PDE11A: variants seen among roughly 807,000 people sequenced by gnomAD.
PDE11A encodes dual 3',5'-cyclic-AMP and -GMP phosphodiesterase 11A.
In PDE11A, 100 loss-of-function variants were observed where a neutral mutation model predicts 100.5. The ratio of observed to expected loss-of-function variants is 1.00; its 90% confidence interval spans 0.85 to 1.18. The LOEUF (loss-of-function observed/expected upper bound fraction) is 1.18. Ranked by LOEUF, PDE11A falls within the 50% of genes most tolerant of loss-of-function variation. The probability of loss-of-function intolerance (pLI) is 0.00; values close to 1 mark genes in which losing one functional copy is unlikely to be tolerated. For synonymous variants in PDE11A, 381 were observed against 420.8 expected (o/e 0.91, Z 1.16); for missense variants, 1,141 against 1,152.6 (o/e 0.99, Z 0.15).
intron 2 of PDE11A, among the ~76,000 whole-genome samples, chr2:177,943,539 A>G (rs1029211538): frequency 1.3e-5 from 2 of 152,132 alleles, no homozygotes; most frequent in Non-Finnish European, 2.9e-5. Context: ...TCTTTGGAGA[A>G]ATGTTGTCTA....
Position 178,071,835 on chromosome 2 carries a change from C to T in PDE11A, c.603G>A (p.Glu201=), listed in dbSNP as rs749530656. 3 of 1,614,084 alleles carry T rather than the reference C, an allele frequency of 1.9e-6. No homozygotes were observed. Among genetic ancestry groups the T allele is most frequent in the East Asian group, 2.2e-5 (1 of 44,886 alleles). The change falls in exon 1 of 20, where the codon GAG becomes GAA. Residue 201 remains glutamate (E), a synonymous_variant. Coordinates refer to ENST00000286063, the MANE Select transcript of PDE11A (RefSeq NM_016953.4). ...TGACCAATTCCAGAAAGAACTGACG[C>T]TCATTATGCTTTTTCAGATGGCACT... ...DYKCHLKKHN[E]RQFFLELVKD...
chr2:177,913,185 T>A lies in PDE11A; in HGVS notation c.1072-7998A>T, dbSNP rs149459842. Among the ~76,000 whole-genome samples the A allele has an allele frequency of 5.9e-5, 9 of 152,320 alleles. No homozygotes were observed. The East Asian group carries it at 9.6e-4, about 16-fold the overall frequency. ...GTATGGATTAATGTAGTTTACTTAG[T>A]CAATCATAGAACGTTGGACATTTAG... is the stretch of plus-strand genomic sequence containing the variant. On this transcript the variant is annotated intron_variant, in intron 2 of 19. Transcript: ENST00000286063.
chr2:178,029,759 G>A (rs186182342), intron 1 of PDE11A, among the ~76,000 whole-genome samples: 4 of 152,240 alleles, frequency 2.6e-5, no homozygotes, highest in East Asian at 1.9e-4. Context: ...CTCAAAACTC[G>A]TGTTAAAATT....
upstream of PDE11A, among the ~76,000 whole-genome samples, chr2:178,074,131 C>T (rs573356265): frequency 6.6e-6 from 1 of 152,060 alleles, no homozygotes; most frequent in Admixed American, 6.5e-5. Context: ...CACAAATGAC[C>T]ACATAGTGTA....
At chr2:177,957,326 G>A (rs2085577746) in intron 2 of PDE11A, among the ~76,000 whole-genome samples, 1 of 152,158 alleles carries the variant, frequency 6.6e-6, no homozygotes, top group Non-Finnish European at 1.5e-5. Flanking sequence ...GAACTTCCAT[G>A]GTTAGAACTG....
At chr2:177,948,588 C>G (rs1432194214) in intron 2 of PDE11A, among the ~76,000 whole-genome samples, 1 of 152,052 alleles carries the variant, frequency 6.6e-6, no homozygotes, top group Non-Finnish European at 1.5e-5. Flanking sequence ...GCTTATTTTT[C>G]TACTGATTTA....
chr2:178,063,368 G>T (rs1288318161), intron 1 of PDE11A, among the ~76,000 whole-genome samples: 1 of 152,070 alleles, frequency 6.6e-6, no homozygotes, highest in Non-Finnish European at 1.5e-5. Context: ...TGTTTTAATG[G>T]GGTATGGTAA....
chr2:177,652,434 A>G (rs1266202244), intron 19 of PDE11A, among the ~76,000 whole-genome samples: 1 of 152,162 alleles, frequency 6.6e-6, no homozygotes, highest in African/African-American at 2.4e-5. Flanking sequence ...GCTTATGGCA[A>G]GAGCAGAGGG....
At chr2:178,066,084 T>C (rs2087039386) in intron 1 of PDE11A, among the ~76,000 whole-genome samples, 1 of 152,124 alleles carries the variant, frequency 6.6e-6, no homozygotes, top group African/African-American at 2.4e-5. Context: ...TCTCTTCTCA[T>C]ATCATGAGAA....
intron 3 of PDE11A, among the ~76,000 whole-genome samples, chr2:177,903,395 A>G (rs2084729238): frequency 1.3e-5 from 2 of 152,072 alleles, no homozygotes; most frequent in African/African-American, 4.8e-5. Context: ...ATTGCTACCT[A>G]TACTATGCAA....
At chr2:177,868,630 G>A (rs531670779) in intron 5 of PDE11A, among the ~76,000 whole-genome samples, 6 of 152,112 alleles carry the variant, frequency 3.9e-5, no homozygotes, top group East Asian at 1.9e-4. Flanking sequence ...ATTCAGAGTC[G>A]TCAGTGTTCA....
At chr2:177,684,085 TCTC>T (rs1440316492) in intron 15 of PDE11A, among the ~76,000 whole-genome samples, 3 of 152,190 alleles carry the variant, frequency 2.0e-5, no homozygotes, top group Non-Finnish European at 1.5e-5. Context: ...TGCCCAGTTT[TCTC>T]CTCTCACTAC....
intron 7 of PDE11A, 56 bp downstream of exon 7, chr2:177,820,164 A>AGG (rs2083114494): frequency 1.1e-6 from 1 of 944,116 alleles, no homozygotes; most frequent in Non-Finnish European, 1.7e-6. Context: ...GGAATATTTT[A>AGG]AAGCAAACTT....
chr2:178,072,940 C>G, upstream of PDE11A: 4 of 985,388 alleles, frequency 4.1e-6, no homozygotes, highest in Non-Finnish European at 4.8e-6. Flanking sequence ...TCTGGACGGC[C>G]GGAATCGGCG....
intron 5 of PDE11A, among the ~76,000 whole-genome samples, chr2:177,851,697 A>G (rs1362992446): frequency 1.3e-5 from 2 of 152,150 alleles, no homozygotes; most frequent in Non-Finnish European, 2.9e-5. Flanking sequence ...CCCAAACTAC[A>G]TCCATACAGA....
intron 7 of PDE11A, among the ~76,000 whole-genome samples, chr2:177,818,269 C>CATATATAT (rs138058817): frequency 4.1e-5 from 6 of 147,656 alleles, no homozygotes; most frequent in African/African-American, 7.5e-5. Context: ...TATTCAGCTA[C>CATATATAT]ATATATATAT....
intron 9 of PDE11A, among the ~76,000 whole-genome samples, chr2:177,803,592 A>C (rs2082824677): frequency 6.6e-6 from 1 of 152,104 alleles, no homozygotes; most frequent in African/African-American, 2.4e-5. Flanking sequence ...CACATCAAAA[A>C]GATAATATAC....
At position 177,757,927 on chromosome 2, in the gene PDE11A, T is replaced by C. The variant is rs140121098; in HGVS notation, c.1788+11396A>G. Among the ~76,000 whole-genome samples, 554 of 152,248 alleles carry C rather than the reference T, an allele frequency of 3.6e-3. 12 individuals are homozygous for C. The East Asian group carries it at 0.059, about 16-fold the overall frequency. ...GACTTGTTCACAGCCTAATTCCTTT[T>C]AGTCTCAATGAAATGCTTTAGGCCC... On this transcript the variant is annotated intron_variant, in intron 10 of 19. Coordinates refer to ENST00000286063, the MANE Select transcript of PDE11A (RefSeq NM_016953.4).
chr2:178,044,851 T>C (rs1426649501), intron 1 of PDE11A, among the ~76,000 whole-genome samples: 1 of 152,186 alleles, frequency 6.6e-6, no homozygotes, highest in Non-Finnish European at 1.5e-5. Flanking sequence ...TGTCCCTAGA[T>C]GTTTTTTTGG....
Sources: gnomAD v4.1 joint callset for allele counts (sites outside exome capture counted in the v4.1 genomes callset) on GRCh38, gnomAD v4.1.1 for gene constraint, MANE v1.5 for transcripts, NCBI Gene and HGNC (gene_info 2026-07-23, HGNC 2026-07-21) for gene names.